The following PCDHA1 variants were observed in gnomAD, a reference collection of about 807,000 sequenced individuals.
PCDHA1 encodes protocadherin alpha 1, also known as protocadherin alpha-1.
PCDHA1 carries 42 observed loss-of-function variants against 61.3 expected under a neutral mutation model. The ratio of observed to expected loss-of-function variants is 0.69; its 90% confidence interval spans 0.54 to 0.89. PCDHA1 has a LOEUF of 0.89. Ranked by LOEUF, PCDHA1 falls within the 40% of genes least tolerant of loss-of-function variation. PCDHA1 has a pLI of 0.00. For missense variants in PCDHA1, 1,256 were observed against 1,235.3 expected (o/e 1.02, Z -0.25); for synonymous variants, 610 against 553.8 (o/e 1.10, Z -1.43).
Position 140,786,771 on chromosome 5 carries a change from G to A in PCDHA1, c.481G>A (p.Asp161Asn). Residue 161 changes from aspartate (D) to asparagine (N), a missense_variant, in exon 1 of 4, where the codon GAC becomes AAC. Physicochemically the swap from Asp to Asn is conservative, Grantham distance 23. Coordinates refer to ENST00000504120, the MANE Select transcript of PCDHA1 (RefSeq NM_018900.4). ...TCCGATAGAAGGAGCTGCTGATGCA[G>A]ACATTGGTGCTAACGCTCTTCTAAC... ...RFPIEGAADA[D>N]IGANALLTYT... 1 of 1,614,224 alleles carries A rather than the reference G, an allele frequency of 6.2e-7. No individual in the cohort carries two copies. The highest frequency in any genetic ancestry group is 8.5e-7 in the Non-Finnish European group (1 of 1,180,034).
At chr5:140,982,660 T>C (rs2096994626) in intron 3 of PCDHA1, 97 bp downstream of exon 3, 2 of 1,482,562 alleles carry the variant, frequency 1.3e-6, no homozygotes, top group South Asian at 2.7e-5. Context: ...CTCTTTTTCT[T>C]TTATATTTTT....
rs1324578987 is a variant in PCDHA1, at chr5:140,787,646, G to C, written c.1356G>C (p.Ala452=). 7 of 1,614,032 alleles carry C rather than the reference G, an allele frequency of 4.3e-6. No individual in the cohort carries two copies. The highest frequency in any genetic ancestry group is 1.3e-5 in the African/African-American group (1 of 75,058). ...SVEVADVNDN[A]PAFAQPEYTV... The stretch of plus-strand genomic sequence containing the variant: ...AGGTGGCCGACGTGAATGACAACGC[G>C]CCTGCGTTCGCGCAGCCCGAGTACA... The change falls in exon 1 of 4, where the codon GCG becomes GCC. Residue 452 remains alanine (A), a synonymous_variant. Transcript: ENST00000504120.
intron 2 of PCDHA1, among the ~76,000 whole-genome samples, chr5:140,979,275 C>T (rs141662665): frequency 6.6e-6 from 1 of 152,320 alleles, no homozygotes; most frequent in East Asian, 1.9e-4. Flanking sequence ...AAAATTTCTA[C>T]AGGGAAGTAA....
chr5:140,808,444 A>C, intron 1 of PCDHA1: 3 of 1,614,178 alleles, frequency 1.9e-6, no homozygotes, highest in Non-Finnish European at 2.5e-6. Context: ...AGAGCGTGTC[A>C]GCCTATGAGC....
chr5:140,913,276 CT>C (rs1468388675), intron 1 of PCDHA1, among the ~76,000 whole-genome samples: 1 of 152,070 alleles, frequency 6.6e-6, no homozygotes, highest in Non-Finnish European at 1.5e-5. Flanking sequence ...TGTTATTGGT[CT>C]GTTTAGGTTT....
At chr5:141,006,950 T>G (rs1169196116) in intron 3 of PCDHA1, among the ~76,000 whole-genome samples, 1 of 152,148 alleles carries the variant, frequency 6.6e-6, no homozygotes, top group African/African-American at 2.4e-5. Flanking sequence ...AGATAGGCAG[T>G]TATACATGAG....
At chr5:140,966,730 C>T in intron 1 of PCDHA1, 1 of 1,405,456 alleles carries the variant, frequency 7.1e-7, no homozygotes, top group Non-Finnish European at 9.2e-7. Context: ...CTGCCGCCTC[C>T]GGCCCTGCCC....
chr5:140,828,613 T>C (rs2150157360), intron 1 of PCDHA1: 18 of 1,614,128 alleles, frequency 1.1e-5, no homozygotes, highest in Admixed American at 1.7e-5. Context: ...AACTCAGTTC[T>C]AGCGAATACT....
chr5:140,993,460 TCTCACACACA>T (rs1210103837), intron 3 of PCDHA1, among the ~76,000 whole-genome samples: 11 of 104,506 alleles, frequency 1.1e-4, no homozygotes, highest in Admixed American at 1.2e-4. Flanking sequence ...CTTCTTTCTT[TCTCACACACA>T]CACACACACA....
rs139745274 is a variant in PCDHA1, at chr5:140,994,788, C to T, written c.2542+12225C>T. On this transcript the variant is annotated intron_variant, in intron 3 of 3. Coordinates refer to ENST00000504120, the MANE Select transcript of PCDHA1 (RefSeq NM_018900.4). ...AGAATTCCAGGCAAAGGAAACAATG[C>T]GTGCATGCAAAAACAAAATACAAAA... Among the ~76,000 whole-genome samples, 132 of 152,194 alleles carry T rather than the reference C, an allele frequency of 8.7e-4. 2 individuals carry two copies. The East Asian group carries it at 0.024, about 28-fold the overall frequency.
At chr5:140,801,154 T>C in intron 1 of PCDHA1, 1 of 1,533,732 alleles carries the variant, frequency 6.5e-7, no homozygotes, top group African/African-American at 1.4e-5. Context: ...TTTTTAAACT[T>C]TGGATCAATG....
chr5:140,841,339 A>T, intron 1 of PCDHA1: 1 of 1,610,480 alleles, frequency 6.2e-7, no homozygotes, highest in Non-Finnish European at 8.5e-7. Flanking sequence ...ATCACTGGCG[A>T]GGAGAGCTGG....
chr5:140,813,536 C>T (rs1000742229), intron 1 of PCDHA1: 1 of 152,012 alleles, frequency 6.6e-6, no homozygotes, highest in East Asian at 1.9e-4. Context: ...AATGGTACAC[C>T]TGAATAGGGT....
At position 140,877,134 on chromosome 5, in the gene PCDHA1, C is replaced by A. The variant is rs1339173132; in HGVS notation, c.2394+88450C>A. 17 of 1,613,712 alleles carry A rather than the reference C, an allele frequency of 1.1e-5. No homozygotes were observed. Among genetic ancestry groups the A allele is most frequent in the Admixed American group, 6.7e-5 (4 of 60,000 alleles). ...GCAGCAACGTGACGCTGCAGGTGTTCGTGCTGGACGAGAACGACAACGCGC... is the reference window on the plus strand; with the variant it reads ...GCAGCAACGTGACGCTGCAGGTGTTAGTGCTGGACGAGAACGACAACGCGC... On this transcript the variant is annotated intron_variant, in intron 1 of 3. Transcript: ENST00000504120.
intron 1 of PCDHA1, among the ~76,000 whole-genome samples, chr5:140,943,257 CAAAAAAAAAAA>C (rs1238620023): frequency 1.3e-5 from 1 of 77,574 alleles, no homozygotes. Flanking sequence ...GACTCTGTCT[CAAAAAAAAAAA>C]AAAAAAAAAG....
At chr5:140,820,720 G>A (rs1397690917) in intron 1 of PCDHA1, among the ~76,000 whole-genome samples, 1 of 151,938 alleles carries the variant, frequency 6.6e-6, no homozygotes, top group East Asian at 1.9e-4. Flanking sequence ...ATATTTACTG[G>A]AACCTAAACA....
intron 1 of PCDHA1, chr5:140,841,869 A>G (rs1223944877): frequency 6.2e-7 from 1 of 1,613,734 alleles, no homozygotes; most frequent in African/African-American, 1.3e-5. Flanking sequence ...CTAGATGTGA[A>G]TTCAAAGAAC....
chr5:140,822,802 A>G, intron 1 of PCDHA1: 3 of 1,614,170 alleles, frequency 1.9e-6, no homozygotes, highest in Middle Eastern at 3.3e-4. Flanking sequence ...CCTGGATGTG[A>G]ATGATAATAC....
At position 140,840,851 on chromosome 5, in the gene PCDHA1, A is replaced by G. The variant is rs2150309706; in HGVS notation, c.2394+52167A>G. On this transcript the variant is annotated intron_variant, in intron 1 of 3. Coordinates refer to ENST00000504120, the MANE Select transcript of PCDHA1 (RefSeq NM_018900.4). ...AAATAAATATTAATGCATTTCTTCC[A>G]CACGAAACTATGGAGGACAGTTTAC... is the stretch of plus-strand genomic sequence containing the variant. Among the ~76,000 whole-genome samples the G allele has an allele frequency of 2.2e-4, 34 of 152,166 alleles. 1 individual carries two copies. The highest frequency in any genetic ancestry group is 1.5e-5 in the Non-Finnish European group (1 of 68,006).
Sources: allele counts gnomAD v4.1 joint callset (sites outside exome capture counted in the v4.1 genomes callset), GRCh38; gene constraint gnomAD v4.1.1; transcripts MANE v1.5; gene names NCBI Gene and HGNC (gene_info 2026-07-23, HGNC 2026-07-21).